The following SLC25A14 variants were observed in gnomAD, a reference collection of about 807,000 sequenced individuals.
SLC25A14 encodes solute carrier family 25 member 14, also known as brain mitochondrial carrier protein 1.
Under a neutral mutation model 28.1 loss-of-function variants are expected in SLC25A14, and 8 were observed. The ratio of observed to expected loss-of-function variants is 0.28; its 90% CI spans 0.17 to 0.51. SLC25A14 has a LOEUF of 0.51. SLC25A14 is among the 20% of genes least tolerant of loss of function. SLC25A14 has a pLI of 0.97. For missense variants in SLC25A14, 135 were observed against 263.8 expected (o/e 0.51, Z 3.38); for synonymous variants, 74 against 90.6 (o/e 0.82, Z 1.04).
At chrX:130,348,786 C>A (rs1325771152) in intron 4 of SLC25A14, among the ~76,000 whole-genome samples, 4 of 78,305 alleles carry the variant, frequency 5.1e-5, no homozygotes, top group East Asian at 8.7e-4. Flanking sequence ...CTCTACCCCC[C>A]CCCCCCCTTT....
intron 6 of SLC25A14, among the ~76,000 whole-genome samples, chrX:130,356,811 CAA>C (rs959868660): frequency 1.8e-5 from 2 of 111,554 alleles, no homozygotes; most frequent in African/African-American, 6.5e-5. Flanking sequence ...GATTAGGTAT[CAA>C]GTTTCTACAG....
chrX:130,344,182 AG>A (rs888695201), intron 2 of SLC25A14, among the ~76,000 whole-genome samples: 2 of 112,628 alleles, frequency 1.8e-5, no homozygotes, highest in African/African-American at 6.4e-5. Flanking sequence ...TAAGTGTGGA[AG>A]TATCAGCGTT....
In SLC25A14 at chrX:130,373,068, G is replaced by A. The variant is rs1229553918; in HGVS notation, c.*118G>A. ...TTTACCAAGCCGTTGGTCTCCTAAGGGCCTCCTGATGGAAGAACAGTGGGG... is the reference window on the plus strand; with the variant it reads ...TTTACCAAGCCGTTGGTCTCCTAAGAGCCTCCTGATGGAAGAACAGTGGGG... On this transcript the variant is annotated 3_prime_UTR_variant, in exon 11 of 11. Coordinates refer to ENST00000545805, the MANE Select transcript of SLC25A14 (RefSeq NM_001282195.2). 4 of 527,126 alleles carry A rather than the reference G, an allele frequency of 7.6e-6. No homozygotes were observed. The highest frequency in any genetic ancestry group is 1.3e-5 in the Non-Finnish European group (4 of 316,471). 43.4% of individuals were successfully genotyped at this position (527,126 alleles called of 1,213,427 possible).
At chrX:130,367,731 T>G (rs1315413303) in intron 9 of SLC25A14, among the ~76,000 whole-genome samples, 1 of 112,388 alleles carries the variant, frequency 8.9e-6, no homozygotes, top group Non-Finnish European at 1.9e-5. Flanking sequence ...CCCATTGGTA[T>G]TTCTGCATTT....
chrX:130,359,769 C>G (rs1309892563), intron 7 of SLC25A14, among the ~76,000 whole-genome samples: 1 of 111,105 alleles, frequency 9.0e-6, no homozygotes, highest in Non-Finnish European at 1.9e-5. Flanking sequence ...GAAATACATA[C>G]CTATGAGCTG....
At chrX:130,359,033 G>A (rs2033881388) in intron 7 of SLC25A14, 4 of 1,006,331 alleles carry the variant, frequency 4.0e-6, no homozygotes, top group Non-Finnish European at 5.2e-6. Context: ...ACACGATGAT[G>A]TATGTCTTTG....
At chrX:130,364,805 G>T in intron 8 of SLC25A14, 53 bp downstream of exon 8, 4 of 1,179,110 alleles carry the variant, frequency 3.4e-6, no homozygotes, top group Non-Finnish European at 4.6e-6. Context: ...AGCACAAAAA[G>T]CCTCTTTTAC....
At chrX:130,361,838 T>C in intron 7 of SLC25A14, among the ~76,000 whole-genome samples, 2 of 112,087 alleles carry the variant, frequency 1.8e-5, no homozygotes, top group Middle Eastern at 4.6e-3. Context: ...TCTGCATTTC[T>C]GTGTGAAATA....
intron 10 of SLC25A14, among the ~76,000 whole-genome samples, chrX:130,372,443 T>TTTTA (rs199840721): frequency 0.048 from 4,986 of 103,885 alleles, 128 homozygotes; most frequent in Non-Finnish European, 0.074. Flanking sequence ...ACAGGTGGTG[T>TTTTA]TTTATTTATT....
rs144995782 is a variant in SLC25A14 at position 130,370,424 on chromosome X, A to G, written c.856-1140A>G. On this transcript the variant is annotated intron_variant, in intron 9 of 10. Transcript: ENST00000545805. ...ACACAATGCCTAACACACTGTAGTT[A>G]TGTAATAGATATTTGTCCATTATAT... is the stretch of plus-strand genomic sequence containing the variant. Among the ~76,000 whole-genome samples the G allele has an allele frequency of 5.0e-3, 556 of 112,252 alleles. 2 individuals carry two copies. The highest frequency in any genetic ancestry group is 0.017 in the African/African-American group (514 of 30,892).
At chrX:130,365,980 A>G (rs2034106989) in intron 9 of SLC25A14, among the ~76,000 whole-genome samples, 2 of 112,107 alleles carry the variant, frequency 1.8e-5, no homozygotes, top group Non-Finnish European at 1.9e-5. Context: ...TTCATACAAC[A>G]CAGAGACCCT....
In SLC25A14 at chrX:130,346,541, T is replaced by C; in HGVS notation, c.170-3T>C. 8.3e-7 allele frequency: 1 copy of C among 1,201,310 alleles called. No individual in the cohort carries two copies. The highest frequency in any genetic ancestry group is 2.3e-4 in the Middle Eastern group (1 of 4,317). Reference sequence around the variant, plus strand: ...ACTTATAAATAAGTGTGTTCCTTTATAGGGACTTTCCCTGTGGACCTTACC... The same window carrying C: ...ACTTATAAATAAGTGTGTTCCTTTACAGGGACTTTCCCTGTGGACCTTACC... On this transcript the variant is annotated splice_region_variant and splice_polypyrimidine_tract_variant and intron_variant, in intron 3 of 10. Transcript: ENST00000545805.
intron 6 of SLC25A14, among the ~76,000 whole-genome samples, chrX:130,353,912 A>G (rs1569452805): frequency 9.0e-6 from 1 of 111,323 alleles, no homozygotes; most frequent in East Asian, 2.8e-4. Flanking sequence ...TCCTTCTACT[A>G]GAAGTTCTTT....
At chrX:130,354,365 G>A (rs1032330700) in intron 6 of SLC25A14, among the ~76,000 whole-genome samples, 4 of 111,634 alleles carry the variant, frequency 3.6e-5, no homozygotes, top group African/African-American at 1.3e-4. Context: ...CACCCGCCTT[G>A]GCCTCCCAAA....
chrX:130,351,081 A>G (rs1285233958), intron 6 of SLC25A14, among the ~76,000 whole-genome samples: 2 of 111,302 alleles, frequency 1.8e-5, no homozygotes, highest in African/African-American at 6.5e-5. Flanking sequence ...ATAGGAATCA[A>G]TTTCCAGATC....
chrX:130,340,489 C>A, intron 2 of SLC25A14, 136 bp downstream of exon 2: 1 of 638,947 alleles, frequency 1.6e-6, no homozygotes, highest in Non-Finnish European at 2.4e-6. Context: ...ACTTGATTGG[C>A]ATGACAGCTG....
rs966199076 is a variant in SLC25A14 at position 130,355,031 on chromosome X, C to A, written c.499-3609C>A. On this transcript the variant is annotated intron_variant, in intron 6 of 10. Transcript: ENST00000545805. ...AATAAGAGAAAGTACGGGTCTCGAT[C>A]CAGGATACTTCAAACCAAATGATAA... Among the ~76,000 whole-genome samples, 9 of 112,227 alleles carry A rather than the reference C, an allele frequency of 8.0e-5. No homozygotes were observed. In the Admixed American group the frequency reaches 8.5e-4, roughly 11 times the overall value.
At chrX:130,358,865 C>A (rs1603262914) in intron 7 of SLC25A14, 130 bp downstream of exon 7, 1 of 641,740 alleles carries the variant, frequency 1.6e-6, no homozygotes. Context: ...CCTCATCTCC[C>A]TTGAAAGGCC....
chrX:130,366,461 T>C (rs1798130004), intron 9 of SLC25A14, among the ~76,000 whole-genome samples: 1 of 111,956 alleles, frequency 8.9e-6, no homozygotes, highest in African/African-American at 3.2e-5. Context: ...TGTGTATTCG[T>C]TCATTGAATC....
Sources: allele counts gnomAD v4.1 joint callset (sites outside exome capture counted in the v4.1 genomes callset), GRCh38; gene constraint gnomAD v4.1.1; transcripts MANE v1.5; gene names NCBI Gene and HGNC (gene_info 2026-07-23, HGNC 2026-07-21).